Variants in CHD4 observed in about 807,000 individuals in gnomAD.
CHD4 encodes the protein chromodomain helicase DNA binding protein 4, also known as ATP-dependent chromatin remodeler CHD4.
Under a neutral mutation model 235.5 loss-of-function variants are expected in CHD4, and 35 were observed. The observed-to-expected ratio is 0.15, with a 90% CI of 0.11 to 0.20. The LOEUF (loss-of-function observed/expected upper bound fraction) is 0.20, where lower values mean the gene tolerates loss of function less well. Among genes scored for constraint, CHD4 ranks in the 10% least tolerant of loss-of-function variants. The pLI is 1.00. For missense variants in CHD4, 1,329 were observed against 2,432.3 expected (o/e 0.55, Z 9.54); for synonymous variants, 900 against 850.2 (o/e 1.06, Z -1.02).
At chr12:6,570,830 C>G in intron 39 of CHD4, 39 bp downstream of exon 39, 1 of 1,613,286 alleles carries the variant, frequency 6.2e-7, no homozygotes, top group Non-Finnish European at 8.5e-7. Flanking sequence ...CAGAATGGTT[C>G]TGCAGGAAGA....
chr12:6,577,649 T>C (rs994958065), intron 37 of CHD4, 136 bp downstream of exon 37: 3 of 1,180,566 alleles, frequency 2.5e-6, no homozygotes, highest in Non-Finnish European at 3.6e-6. Flanking sequence ...AATGTGTAAG[T>C]TACTTGGGAG....
intron 33 of CHD4, chr12:6,580,800 A>G (rs1250028220): frequency 2.6e-5 from 12 of 455,676 alleles, no homozygotes; most frequent in African/African-American, 2.4e-4. Flanking sequence ...TGAGGTCAGG[A>G]GATTTAGACC....
Position 6,579,113 on chromosome 12 carries a change from A to G in CHD4, c.4910-196T>C, listed in dbSNP as rs930821435. 4.0e-5 allele frequency: 16 copies of G among 404,394 alleles called. No homozygotes were observed. In the African/African-American group the frequency reaches 9.0e-4, roughly 23 times the overall value. 25.1% of individuals were successfully genotyped at this position (404,394 alleles called of 1,614,324 possible). A position where few individuals can be genotyped will look rare whatever the true frequency, so the allele number is the denominator to read the frequency against. On this transcript the variant is annotated intron_variant, in intron 33 of 39. Coordinates refer to ENST00000544040, the MANE Select transcript of CHD4 (RefSeq NM_001273.5). ...GCAGATCACTTGAGGTCAGGAGTTC[A>G]AGACCAGCCTGGCCAACAAGGTGAA... is the stretch of plus-strand genomic sequence containing the variant.
chr12:6,578,009 C>G lies in CHD4; in HGVS notation c.5228+20G>C. 1 of 1,611,720 alleles carries G rather than the reference C, an allele frequency of 6.2e-7. No individual in the cohort carries two copies. The highest frequency in any genetic ancestry group is 1.7e-5 in the Admixed American group (1 of 60,024). On this transcript the variant is annotated intron_variant, in intron 36 of 39. Transcript: ENST00000544040. ...GAACCTTTCACCAAAAGCCTCAGTACAGATTCAGGCAAAGGATACTTTATA... is the reference window on the plus strand; with the variant it reads ...GAACCTTTCACCAAAAGCCTCAGTAGAGATTCAGGCAAAGGATACTTTATA...
chr12:6,571,222 T>C (rs886963959), intron 38 of CHD4, 190 bp from the exon 39 acceptor site: 11 of 642,168 alleles, frequency 1.7e-5, no homozygotes, highest in African/African-American at 1.7e-4. Context: ...GTCCATGATT[T>C]TGTGCTTTTT....
chr12:6,602,480 C>T lies in CHD4; in HGVS notation c.118G>A (p.Glu40Lys), dbSNP rs1948614642. ...PPHPENEEDP[E>K]EDLSETETPK... ...GTCTCTGTTTCTGACAAATCCTCTT[C>T]TGGGTCCTCTTCATTTTCTACATAT... The change falls in exon 3 of 40, where the codon GAA (glutamate) becomes AAA (lysine). Residue 40 changes from glutamate to lysine, a missense_variant. Glu to Lys is a moderately conservative substitution (Grantham distance 56). Around this residue, in one of 26 missense-constraint regions of CHD4, gnomAD observed 213 missense variants for 177.5 expected, o/e 1.20. Coordinates refer to ENST00000544040, the MANE Select transcript of CHD4 (RefSeq NM_001273.5). The T allele has an allele frequency of 1.2e-6, 2 of 1,612,278 alleles. No homozygotes were observed. The highest frequency in any genetic ancestry group is 1.7e-6 in the Non-Finnish European group (2 of 1,179,658).
chr12:6,599,917 G>A lies in CHD4; in HGVS notation c.1338C>T (p.Asp446=), dbSNP rs1948560730. 1 of 1,614,004 alleles carries A rather than the reference G, an allele frequency of 6.2e-7. No individual in the cohort carries two copies. The highest frequency in any genetic ancestry group is 1.3e-5 in the African/African-American group (1 of 74,888). ...EVGGDLEEED[D]HHMEFCRVCK... ...AGACCCGACAGAATTCCATATGGTGGTCATCCTCCTCTTCGAGGTCTCCCC... is the reference window on the plus strand; with the variant it reads ...AGACCCGACAGAATTCCATATGGTGATCATCCTCCTCTTCGAGGTCTCCCC... Residue 446 remains aspartate (D), a synonymous_variant, in exon 10 of 40, where the codon GAC becomes GAT. Coordinates refer to ENST00000544040, the MANE Select transcript of CHD4 (RefSeq NM_001273.5).
chr12:6,593,011 A>C lies in CHD4; in HGVS notation c.2652+80T>G, dbSNP rs556791751. 136 of 1,574,890 alleles carry C rather than the reference A, an allele frequency of 8.6e-5. 1 individual carries two copies. The African/African-American group carries it at 1.4e-3, about 16-fold the overall frequency. ...CAATTTTCCCCTCTCCTCTCCATCTACAAGTTTTCCCCTTAATGAATTGGT... is the reference window on the plus strand; with the variant it reads ...CAATTTTCCCCTCTCCTCTCCATCTCCAAGTTTTCCCCTTAATGAATTGGT... On this transcript the variant is annotated intron_variant, in intron 17 of 39. Coordinates refer to ENST00000544040, the MANE Select transcript of CHD4 (RefSeq NM_001273.5). This position sits in a 1 kb window ranked among gnomAD's most constrained non-coding sequence, Gnocchi z 4.9.
chr12:6,597,781 C>A lies in CHD4; in HGVS notation c.1892+113G>T, dbSNP rs1335601239. 3 of 996,386 alleles carry A rather than the reference C, an allele frequency of 3.0e-6. No homozygotes were observed. In the East Asian group the frequency reaches 7.2e-5, roughly 24 times the overall value. 61.7% of individuals were successfully genotyped at this position (996,386 alleles called of 1,614,324 possible). A position where few individuals can be genotyped will look rare whatever the true frequency, so the allele number is the denominator to read the frequency against. ...CTCTGTCTCAAAAACAAAAAACAAA[C>A]AAAAAAAACCAGTGTCTTCCAAGTC... is the stretch of plus-strand genomic sequence containing the variant. On this transcript the variant is annotated intron_variant, in intron 12 of 39. Transcript: ENST00000544040.
intron 37 of CHD4, among the ~76,000 whole-genome samples, chr12:6,573,966 T>C (rs1251942484): frequency 6.6e-6 from 1 of 151,806 alleles, no homozygotes; most frequent in Non-Finnish European, 1.5e-5. Flanking sequence ...AAGGTTGCAG[T>C]GAGCCAGGAT....
At chr12:6,589,225 C>T (rs1400514910) in intron 22 of CHD4, among the ~76,000 whole-genome samples, 2 of 152,114 alleles carry the variant, frequency 1.3e-5, no homozygotes, top group Non-Finnish European at 2.9e-5. Context: ...ATTAGGCAAA[C>T]ACCACAGTAA....
chr12:6,593,526 A>G lies in CHD4; in HGVS notation c.2404T>C (p.Tyr802His), dbSNP rs764706475. 6.2e-7 allele frequency: 1 copy of G among 1,614,162 alleles called. No individual in the cohort carries two copies. Among genetic ancestry groups the G allele is most frequent in the Non-Finnish European group, 8.5e-7 (1 of 1,180,034 alleles). ...REFEMWAPDM[Y>H]VVTYVGDKDS... ...TTGTCACCCACATAGGTTACGACATACATGTCTGGAGCCCACATTTCAAAC... is the reference window on the plus strand; with the variant it reads ...TTGTCACCCACATAGGTTACGACATGCATGTCTGGAGCCCACATTTCAAAC... Residue 802 changes from tyrosine (Y) to histidine (H), a missense_variant, in exon 16 of 40, where the codon TAT (tyrosine) becomes CAT (histidine). Tyr to His is a moderately conservative substitution (Grantham distance 83, BLOSUM62 2). Around this residue, in one of 26 missense-constraint regions of CHD4, gnomAD observed 78 missense variants for 174.8 expected, o/e 0.45. Transcript: ENST00000544040. This position sits in a 1 kb window ranked among gnomAD's most constrained non-coding sequence, Gnocchi z 4.9.
intron 12 of CHD4, among the ~76,000 whole-genome samples, chr12:6,597,376 A>G (rs969901669): frequency 1.3e-5 from 2 of 152,232 alleles, no homozygotes; most frequent in Admixed American, 6.5e-5. Flanking sequence ...TGAAGCAGAC[A>G]GATTGCTTGA....
At chr12:6,579,667 C>T (rs1346870621) in intron 33 of CHD4, 1 of 149,010 alleles carries the variant, frequency 6.7e-6, no homozygotes, top group Non-Finnish European at 1.5e-5. Context: ...AGGAGAATCA[C>T]TTGAACCCAG....
In CHD4 at chr12:6,581,787, G is replaced by A. The variant is rs200017158; in HGVS notation, c.4543C>T (p.Arg1515Cys). Residue 1515 changes from arginine to cysteine, a missense_variant, in exon 31 of 40, where the codon CGC becomes TGC. Transcript: ENST00000544040. Reference sequence around the variant, plus strand: ...TCAGCCAGTTCAGGCATGCTCCAGCGCCCATTAACATGTTCAAACTCCTGA... The same window carrying A: ...TCAGCCAGTTCAGGCATGCTCCAGCACCCATTAACATGTTCAAACTCCTGA... ...KVQEFEHVNG[R>C]WSMPELAEVE... is the part of the protein sequence containing the mutation. 2.1e-5 allele frequency: 33 copies of A among 1,543,450 alleles called. No homozygotes were observed. The East Asian group carries it at 2.5e-4, about 12-fold the overall frequency.
At chr12:6,605,265 G>T (rs1386331834) in intron 2 of CHD4, among the ~76,000 whole-genome samples, 1 of 151,968 alleles carries the variant, frequency 6.6e-6, no homozygotes, top group African/African-American at 2.4e-5. Context: ...GAAGCAGAAG[G>T]AATGAAGAAA....
intron 37 of CHD4, among the ~76,000 whole-genome samples, chr12:6,575,612 GACCCTTA>G (rs1292982642): frequency 6.6e-5 from 10 of 152,014 alleles, no homozygotes; most frequent in African/African-American, 2.4e-4. Context: ...TCACAGCCCA[GACCCTTA>G]ACACCTCATG....
chr12:6,593,535 G>C lies in CHD4; in HGVS notation c.2395C>G (p.Pro799Ala). ...NWEREFEMWA[P>A]DMYVVTYVGD... Reference sequence around the variant, plus strand: ...ACATAGGTTACGACATACATGTCTGGAGCCCACATTTCAAACTCCCGCTCC... The same window carrying C: ...ACATAGGTTACGACATACATGTCTGCAGCCCACATTTCAAACTCCCGCTCC... Residue 799 changes from proline to alanine, a missense_variant, in exon 16 of 40, where the codon CCA becomes GCA. This residue lies in a region of CHD4 where 78 missense variants were observed against 174.8 expected (regional missense o/e 0.45). Transcript: ENST00000544040. This position sits in a 1 kb window ranked among gnomAD's most constrained non-coding sequence, Gnocchi z 4.9. 1 of 1,614,174 alleles carries C rather than the reference G, an allele frequency of 6.2e-7. No individual in the cohort carries two copies. The highest frequency in any genetic ancestry group is 8.5e-7 in the Non-Finnish European group (1 of 1,180,026).
Position 6,601,439 on chromosome 12 carries a change from G to C in CHD4, c.649C>G (p.Pro217Ala). The change falls in exon 6 of 40, where the codon CCC becomes GCC. Residue 217 changes from proline to alanine, a missense_variant. Coordinates refer to ENST00000544040, the MANE Select transcript of CHD4 (RefSeq NM_001273.5). ...GATGCCCCAGAACTGCCTTTGAAGG[G>C]GTTATTGGTACTGAACTCCCGCCAT... ...AKWREFSTNN[P>A]FKGSSGASVA... The C allele has an allele frequency of 6.2e-7, 1 of 1,614,136 alleles. No individual in the cohort carries two copies. Among genetic ancestry groups the C allele is most frequent in the African/African-American group, 1.3e-5 (1 of 75,012 alleles).
Sources: gnomAD v4.1 joint callset for allele counts (sites outside exome capture counted in the v4.1 genomes callset) on GRCh38, gnomAD v4.1.1 for gene constraint, gnomAD v4.1.1 regional missense constraint, Gnocchi (gnomAD v3.1) non-coding constraint, MANE v1.5 for transcripts, NCBI Gene and HGNC (gene_info 2026-07-23, HGNC 2026-07-21) for gene names.